ZNF333: variants seen among roughly 807,000 people sequenced by gnomAD.
ZNF333 encodes the protein zinc finger protein 333.
A neutral mutation model predicts 76.1 loss-of-function variants in ZNF333; 61 were observed. That is an observed-to-expected ratio of 0.80 (90% CI 0.65 to 0.99). The LOEUF is 0.99. ZNF333 is among the 50% of genes least tolerant of loss of function. ZNF333 has a pLI of 0.00. For missense variants in ZNF333, 717 were observed against 822.4 expected (o/e 0.87, Z 1.57); for synonymous variants, 284 against 305.0 (o/e 0.93, Z 0.72).
rs955439459 is a variant in ZNF333, at chr19:14,720,031, T to C, written c.*706T>C. The C allele has an allele frequency of 9.9e-6, 8 of 804,122 alleles. No individual in the cohort carries two copies. The African/African-American group carries it at 1.3e-4, about 13-fold the overall frequency. The allele number at this position is 804,122 out of a possible 1,614,324, so 49.8% of individuals were successfully genotyped here. A position where few individuals can be genotyped will look rare whatever the true frequency, so the allele number is the denominator to read the frequency against. On this transcript the variant is annotated 3_prime_UTR_variant, in exon 12 of 12. Transcript: ENST00000292530. ...TGAAATCCCCTCTCTACTAAAAATATAAAAATTAGCCAAGTTTGGTGGCAT... is the reference window on the plus strand; with the variant it reads ...TGAAATCCCCTCTCTACTAAAAATACAAAAATTAGCCAAGTTTGGTGGCAT...
At chr19:14,722,509 C>T (rs1487512718), downstream of ZNF333, among the ~76,000 whole-genome samples, 1 of 152,170 alleles carries the variant, frequency 6.6e-6, no homozygotes, top group Non-Finnish European at 1.5e-5. Context: ...TGAATATTAA[C>T]CCCTTATCAG....
At chr19:14,731,117 A>G (rs999997087) in intron 11 of ZNF333, 6 of 1,395,216 alleles carry the variant, frequency 4.3e-6, no homozygotes, top group Non-Finnish European at 4.9e-6. Flanking sequence ...TGGCCCCTTT[A>G]TTCATTCAAT....
chr19:14,690,313 G>GCGCCCGC (rs1366881872), intron 1 of ZNF333, among the ~76,000 whole-genome samples, 163 bp downstream of exon 1: 3 of 152,212 alleles, frequency 2.0e-5, no homozygotes, highest in African/African-American at 7.2e-5. Context: ...TCGCATCTGG[G>GCGCCCGC]CGCCCGCCGC....
chr19:14,697,700 T>C lies in ZNF333; in HGVS notation c.224-1499T>C, dbSNP rs111768331. On this transcript the variant is annotated intron_variant, in intron 4 of 11. Coordinates refer to ENST00000292530, the MANE Select transcript of ZNF333 (RefSeq NM_032433.4). ...TATGTAGACATGTACTTAATTCTCTTAGGTATATACTGAGGAGCAGAATTG... is the reference window on the plus strand; with the variant it reads ...TATGTAGACATGTACTTAATTCTCTCAGGTATATACTGAGGAGCAGAATTG... 7.0e-4 allele frequency among the ~76,000 whole-genome samples: 107 copies of C among 152,270 alleles called. 1 individual carries two copies. Among genetic ancestry groups the C allele is most frequent in the African/African-American group, 2.5e-3 (104 of 41,566 alleles).
At position 14,718,975 on chromosome 19, in the gene ZNF333, A is replaced by C. The variant is rs771902116; in HGVS notation, c.1648A>C (p.Lys550Gln). ...GGTCTTGAGTCGTCTTTCAACCCTG[A>C]AGAGTCACATGCGAACTCACACTGG... is the stretch of plus-strand genomic sequence containing the variant. ...GQVLSRLSTL[K>Q]SHMRTHTGEK... Residue 550 changes from lysine (K) to glutamine (Q), a missense_variant, in exon 12 of 12, where the codon AAG (lysine) becomes CAG (glutamine). By Grantham distance (53) the Lys-to-Gln change is moderately conservative (BLOSUM62 1). Coordinates refer to ENST00000292530, the MANE Select transcript of ZNF333 (RefSeq NM_032433.4). The C allele has an allele frequency of 8.1e-6, 13 of 1,614,084 alleles. No individual in the cohort carries two copies. Among genetic ancestry groups the C allele is most frequent in the Non-Finnish European group, 1.1e-5 (13 of 1,180,008 alleles).
At chr19:14,692,077 G>A (rs187603513) in intron 1 of ZNF333, among the ~76,000 whole-genome samples, 2 of 152,172 alleles carry the variant, frequency 1.3e-5, no homozygotes, top group African/African-American at 2.4e-5. Flanking sequence ...TTTCACTGGG[G>A]TGCCCTCAAT....
rs543545011 is a variant in ZNF333, at chr19:14,719,534, G to A, written c.*209G>A. ...AATATGTGGATATATTTTCATAGAG[G>A]TATAATGACTTATAGTGAAATGCAT... On this transcript the variant is annotated 3_prime_UTR_variant, in exon 12 of 12. Transcript: ENST00000292530. The A allele has an allele frequency of 5.9e-5, 63 of 1,070,890 alleles. No homozygotes were observed. In the African/African-American group the frequency reaches 9.0e-4, roughly 15 times the overall value. 66.3% of individuals were successfully genotyped at this position (1,070,890 alleles called of 1,614,324 possible). A position where few individuals can be genotyped will look rare whatever the true frequency, so the allele number is the denominator to read the frequency against.
At chr19:14,699,791 C>T (rs999200573) in intron 5 of ZNF333, among the ~76,000 whole-genome samples, 21 of 152,146 alleles carry the variant, frequency 1.4e-4, no homozygotes, top group African/African-American at 4.1e-4. Flanking sequence ...GTGCGAAATA[C>T]GACTTCCTCC....
intron 1 of ZNF333, among the ~76,000 whole-genome samples, chr19:14,691,287 T>C (rs1458052334): frequency 1.3e-5 from 2 of 152,210 alleles, no homozygotes; most frequent in African/African-American, 4.8e-5. Context: ...TTCAGATCTT[T>C]TCAAGTTGGC....
Position 14,718,520 on chromosome 19 carries a change from A to G in ZNF333, c.1193A>G (p.Glu398Gly), listed in dbSNP as rs769948934. 1.2e-6 allele frequency: 2 copies of G among 1,614,240 alleles called. No homozygotes were observed. The highest frequency in any genetic ancestry group is 1.7e-6 in the Non-Finnish European group (2 of 1,180,034). Residue 398 changes from glutamate (E) to glycine (G), a missense_variant, in exon 12 of 12, where the codon GAA becomes GGA. By Grantham distance (98) the Glu-to-Gly change is moderately conservative (BLOSUM62 -2). Transcript: ENST00000292530. ...HTAEKCFDCQECGQAFKYSSN... is the reference protein window; with the variant it reads ...HTAEKCFDCQGCGQAFKYSSN... The stretch of plus-strand genomic sequence containing the variant: ...GCAGAGAAGTGCTTTGACTGTCAAG[A>G]ATGTGGGCAAGCCTTCAAATATTCC...
At chr19:14,690,642 A>C (rs1200812171) in intron 1 of ZNF333, among the ~76,000 whole-genome samples, 2 of 152,230 alleles carry the variant, frequency 1.3e-5, no homozygotes, top group African/African-American at 2.4e-5. Context: ...TTTACTTAAA[A>C]AATTGAATGC....
intron 1 of ZNF333, among the ~76,000 whole-genome samples, chr19:14,690,488 C>A (rs1972677865): frequency 6.6e-6 from 1 of 152,216 alleles, no homozygotes; most frequent in African/African-American, 2.4e-5. Context: ...ATAAAGACGG[C>A]CCTACCTTGC....
chr19:14,710,138 A>G (rs2042233617), intron 7 of ZNF333, among the ~76,000 whole-genome samples: 1 of 152,226 alleles, frequency 6.6e-6, no homozygotes, highest in Non-Finnish European at 1.5e-5. Context: ...AGCAGCTTCC[A>G]GATTGTTCAG....
chr19:14,718,223 G>T lies in ZNF333; in HGVS notation c.901-5G>T. 6.3e-7 allele frequency: 1 copy of T among 1,598,444 alleles called. No homozygotes were observed. Among genetic ancestry groups the T allele is most frequent in the Non-Finnish European group, 8.5e-7 (1 of 1,173,146 alleles). ...TTTGGTCTTCACATTTTCCTTCATCGACAGGAGCAACCTCAGCCTGGAGAA... is the reference window on the plus strand; with the variant it reads ...TTTGGTCTTCACATTTTCCTTCATCTACAGGAGCAACCTCAGCCTGGAGAA... On this transcript the variant is annotated splice_region_variant and splice_polypyrimidine_tract_variant and intron_variant, in intron 11 of 11. Coordinates refer to ENST00000292530, the MANE Select transcript of ZNF333 (RefSeq NM_032433.4).
rs2042549668 is a variant in ZNF333, at chr19:14,719,801, ATTC to A, written c.*481_*483del. 2 of 987,098 alleles carry A rather than the reference ATTC, an allele frequency of 2.0e-6. No homozygotes were observed. Among genetic ancestry groups the A allele is most frequent in the South Asian group, 4.7e-5 (1 of 21,392 alleles). 61.1% of individuals were successfully genotyped at this position (987,098 alleles called of 1,614,324 possible). On this transcript the variant is annotated 3_prime_UTR_variant, in exon 12 of 12. Coordinates refer to ENST00000292530, the MANE Select transcript of ZNF333 (RefSeq NM_032433.4). Reference sequence around the variant, plus strand: ...TTTGCTATTAGGTCTGGTGTGGCTTATTCTTCTAGCTGCCAACCCAAATTACCC... The same window carrying A: ...TTTGCTATTAGGTCTGGTGTGGCTTATTCTAGCTGCCAACCCAAATTACCC...
intron 7 of ZNF333, among the ~76,000 whole-genome samples, chr19:14,712,466 T>C (rs1356224850): frequency 6.6e-6 from 1 of 152,114 alleles, no homozygotes; most frequent in East Asian, 1.9e-4. Context: ...ATGATAATGC[T>C]GGCCTCTGCC....
rs28439960 is a variant in ZNF333 at position 14,690,279 on chromosome 19, C to T, written c.-42+129C>T. On this transcript the variant is annotated intron_variant, in intron 1 of 11. Coordinates refer to ENST00000292530, the MANE Select transcript of ZNF333 (RefSeq NM_032433.4). The stretch of plus-strand genomic sequence containing the variant: ...CTCCCTGCGATCAGCCGGTGGCCGG[C>T]GTGAGGCCCACACAGTCAGGGCCTC... 3,464 of 152,408 alleles carry T rather than the reference C, an allele frequency of 0.023. 149 individuals carry two copies. Among genetic ancestry groups the T allele is most frequent in the African/African-American group, 0.077 (3,201 of 41,566 alleles). The allele number at this position is 152,408 out of a possible 1,614,324, so 9.4% of individuals were successfully genotyped here. A position where few individuals can be genotyped will look rare whatever the true frequency, so the allele number is the denominator to read the frequency against.
chr19:14,710,366 G>A (rs1242463455), intron 7 of ZNF333, among the ~76,000 whole-genome samples: 1 of 152,214 alleles, frequency 6.6e-6, no homozygotes, highest in East Asian at 1.9e-4. Flanking sequence ...TGAGTGTGGA[G>A]GAGGTGTGCT....
chr19:14,701,453 C>A, intron 5 of ZNF333: 2 of 454,140 alleles, frequency 4.4e-6, no homozygotes, highest in Non-Finnish European at 5.8e-6. Flanking sequence ...GTTGTGCAGG[C>A]TCCCATTGCA....
Sources: gnomAD v4.1 joint callset for allele counts (sites outside exome capture counted in the v4.1 genomes callset) on GRCh38, gnomAD v4.1.1 for gene constraint, MANE v1.5 for transcripts, NCBI Gene and HGNC (gene_info 2026-07-23, HGNC 2026-07-21) for gene names.